Variants in TSC2 observed in about 807,000 individuals in gnomAD.
TSC2 encodes the protein TSC complex subunit 2.
TSC2 carries 29 observed loss-of-function variants against 202.2 expected under a neutral mutation model. The ratio of observed to expected loss-of-function variants is 0.14; its 90% CI spans 0.11 to 0.20. The LOEUF is 0.20. TSC2 is among the 10% of genes least tolerant of loss of function. TSC2 has a pLI of 1.00. For synonymous variants in TSC2, 1,349 were observed against 1,044.0 expected, an observed-to-expected ratio of 1.29 and a Z score of -5.63; for missense variants, 2,429 against 2,420.0, an observed-to-expected ratio of 1.00 and a Z score of -0.08.
At chr16:2,055,337 G>T in intron 5 of TSC2, 65 bp from the exon 6 acceptor site, 1 of 1,253,566 alleles carries the variant, frequency 8.0e-7, no homozygotes, top group Non-Finnish European at 1.2e-6. Flanking sequence ...CCTGCGGCGG[G>T]AGGGGGAGGT....
At chr16:2,084,886 C>T (rs2151541816) in intron 34 of TSC2, 65 bp from the exon 35 acceptor site, 1 of 1,607,264 alleles carries the variant, frequency 6.2e-7, no homozygotes, top group African/African-American at 1.3e-5. Context: ...TGTGTTCCTC[C>T]CTGTGGGCTG....
At chr16:2,053,317 C>G (rs2151025271) in intron 3 of TSC2, 25 bp from the exon 4 acceptor site, 3 of 1,556,180 alleles carry the variant, frequency 1.9e-6, no homozygotes, top group Non-Finnish European at 2.6e-6. Flanking sequence ...CACATCCTCA[C>G]CGCTGTCCCC....
At position 2,083,816 on chromosome 16, in the gene TSC2, G is replaced by A. The variant is rs2090436302; in HGVS notation, c.4005G>A (p.Arg1335=). ...ACAGGCGCACGGATGCCTACAGCAGGGTGAGTGTGGCTCAGAGCCTGGACC... is the reference window on the plus strand; with the variant it reads ...ACAGGCGCACGGATGCCTACAGCAGAGTGAGTGTGGCTCAGAGCCTGGACC... The part of the protein sequence containing the change: ...GMDRRTDAYS[R]SSSVSSQEEK... Residue 1335 remains arginine (R), a splice_region_variant and synonymous_variant, in exon 33 of 42, where the codon AGG becomes AGA. Transcript: ENST00000219476. The A allele has an allele frequency of 1.9e-6, 3 of 1,610,724 alleles. No individual in the cohort carries two copies. In the East Asian group the frequency reaches 6.7e-5, roughly 36 times the overall value.
At chr16:2,080,647 C>A in intron 30 of TSC2, 1 of 465,858 alleles carries the variant, frequency 2.1e-6, no homozygotes, top group Non-Finnish European at 3.9e-6. Flanking sequence ...CCACGCCTGG[C>A]CAATTTTTTT....
In TSC2 at chr16:2,084,594, C is replaced by T. The variant is rs1189784704; in HGVS notation, c.4372C>T (p.Pro1458Ser). The T allele has an allele frequency of 6.2e-7, 1 of 1,604,676 alleles. No individual in the cohort carries two copies. The highest frequency in any genetic ancestry group is 8.5e-7 in the Non-Finnish European group (1 of 1,179,708). ...CCCCCGCTCGCCCAGTGGCCTCCGG[C>T]CCCGAGGTTACACCATCTCCGACTC... ...SSPRSPSGLRPRGYTISDSAP... is the reference protein window; with the variant it reads ...SSPRSPSGLRSRGYTISDSAP... The change falls in exon 34 of 42, where the codon CCC becomes TCC. Residue 1458 changes from proline to serine, a missense_variant. Pro to Ser is a moderately conservative substitution (Grantham distance 74). Transcript: ENST00000219476.
At chr16:2,084,840 C>T (rs1356027423) in intron 34 of TSC2, 111 bp from the exon 35 acceptor site, 1 of 1,600,378 alleles carries the variant, frequency 6.2e-7, no homozygotes, top group African/African-American at 1.3e-5. Context: ...GGCTGGAACC[C>T]CTGGGAGGGC....
intron 4 of TSC2, 172 bp from the exon 5 acceptor site, chr16:2,054,123 GC>G: frequency 2.0e-6 from 2 of 1,023,944 alleles, no homozygotes; most frequent in Non-Finnish European, 2.9e-6. Context: ...GGTGCATCCG[GC>G]CCCCTGCCCT....
chr16:2,080,732 C>G (rs2090040990), intron 30 of TSC2: 2 of 279,792 alleles, frequency 7.1e-6, no homozygotes, highest in South Asian at 3.8e-5. Context: ...GATCCGCCCG[C>G]CTTGGCCTCC....
chr16:2,085,385 G>T (rs566035563), intron 36 of TSC2, 63 bp downstream of exon 36: 5 of 1,569,070 alleles, frequency 3.2e-6, no homozygotes, highest in Non-Finnish European at 4.4e-6. Flanking sequence ...CCTGCAGTGG[G>T]TAGGGAGTCT....
In TSC2 at chr16:2,082,245, G is replaced by T. The variant is rs574061456; in HGVS notation, c.3815-191G>T. On this transcript the variant is annotated intron_variant, in intron 31 of 41. Transcript: ENST00000219476. ...TTAGCGGCCTAGGACGTCTATTCAC[G>T]GGAGGAGGGAGGCACTGCCCTCCTC... The T allele has an allele frequency of 1.1e-5, 7 of 653,768 alleles. No individual in the cohort carries two copies. In the South Asian group the frequency reaches 1.2e-4, roughly 12 times the overall value. The allele number at this position is 653,768 out of a possible 1,614,324, so 40.5% of individuals were successfully genotyped here.
rs543754378 is a variant in TSC2, at chr16:2,053,758, T to C, written c.336+306T>C. On this transcript the variant is annotated intron_variant, in intron 4 of 41. Transcript: ENST00000219476. Reference sequence around the variant, plus strand: ...TCGTACCTGGCAGCTGGTGTGGGGCTACGGTGTTGTTTTGCCCTTGCACCC... The same window carrying C: ...TCGTACCTGGCAGCTGGTGTGGGGCCACGGTGTTGTTTTGCCCTTGCACCC... 3.0e-5 allele frequency: 17 copies of C among 569,428 alleles called. No homozygotes were observed. In the African/African-American group the frequency reaches 3.1e-4, roughly 10 times the overall value. The allele number at this position is 569,428 out of a possible 1,614,324, so 35.3% of individuals were successfully genotyped here.
At chr16:2,055,316 G>T in intron 5 of TSC2, 86 bp from the exon 6 acceptor site, 2 of 1,044,628 alleles carry the variant, frequency 1.9e-6, no homozygotes, top group Non-Finnish European at 3.0e-6. Context: ...TGACGGGTTT[G>T]GACACACTGT....
chr16:2,066,695 G>A lies in TSC2; in HGVS notation c.1716+1060G>A, dbSNP rs138537173. Among the ~76,000 whole-genome samples the A allele has an allele frequency of 2.2e-3, 267 of 121,420 alleles. 2 individuals carry two copies. The highest frequency in any genetic ancestry group is 8.1e-3 in the African/African-American group (257 of 31,750). The allele number at this position is 121,420 out of a possible 152,430, so 79.7% of individuals were successfully genotyped here. A position where few individuals can be genotyped will look rare whatever the true frequency, so the allele number is the denominator to read the frequency against. On this transcript the variant is annotated intron_variant, in intron 16 of 41. Transcript: ENST00000219476. ...TTTTTTGATACAGTCTCACTCTGTCGCCCAGGCTGGAGTGGAGTGCAGTGG... is the reference window on the plus strand; with the variant it reads ...TTTTTTGATACAGTCTCACTCTGTCACCCAGGCTGGAGTGGAGTGCAGTGG...
Position 2,088,436 on chromosome 16 carries a change from C to CTGG in TSC2, c.5260-8_5260-7insGTG. ...CCCAGACTTACTGCCCAAGCCGCCT[C>CTGG]TGCCTTCAGATCTGCGAGGAAGCCG... On this transcript the variant is annotated splice_polypyrimidine_tract_variant and intron_variant, in intron 41 of 41. Transcript: ENST00000219476. 1.2e-6 allele frequency: 2 copies of CTGG among 1,612,798 alleles called. No individual in the cohort carries two copies. Among genetic ancestry groups the CTGG allele is most frequent in the Non-Finnish European group, 1.7e-6 (2 of 1,180,014 alleles).
intron 9 of TSC2, among the ~76,000 whole-genome samples, chr16:2,057,483 G>C (rs954726352): frequency 1.3e-5 from 2 of 152,096 alleles, no homozygotes; most frequent in Admixed American, 6.5e-5. Context: ...TTGGCTTGAC[G>C]TTGCCCTTGC....
intron 3 of TSC2, 115 bp downstream of exon 3, chr16:2,050,601 T>C: frequency 4.0e-6 from 2 of 501,462 alleles, no homozygotes; most frequent in Non-Finnish European, 6.5e-6. Flanking sequence ...GTTTGCACTT[T>C]TTTTTTTTTT....
In TSC2 at chr16:2,088,878, C is replaced by A; in HGVS notation, c.*268C>A. 2.1e-6 allele frequency: 1 copy of A among 482,774 alleles called. No homozygotes were observed. The highest frequency in any genetic ancestry group is 3.7e-6 in the Non-Finnish European group (1 of 272,636). The allele number at this position is 482,774 out of a possible 1,614,324, so 29.9% of individuals were successfully genotyped here. Reference sequence around the variant, plus strand: ...CATACAGCACACTCGCGCGTGCGCGCGCGCACACACACACACACACAGTCA... The same window carrying A: ...CATACAGCACACTCGCGCGTGCGCGAGCGCACACACACACACACACAGTCA... On this transcript the variant is annotated 3_prime_UTR_variant, in exon 42 of 42. Transcript: ENST00000219476.
At position 2,048,834 on chromosome 16, in the gene TSC2, G is replaced by T. The variant is rs1445542724; in HGVS notation, c.138+81G>T. The T allele has an allele frequency of 2.5e-6, 4 of 1,596,696 alleles. No homozygotes were observed. The African/African-American group carries it at 5.4e-5, about 21-fold the overall frequency. On this transcript the variant is annotated intron_variant, in intron 2 of 41. Coordinates refer to ENST00000219476, the MANE Select transcript of TSC2 (RefSeq NM_000548.5). ...GTTTGGTCTTGCACCAGGTTCTGTG[G>T]GAGACGGGTTGCTGGCAACTGTCTA...
rs754592874 is a variant in TSC2 at position 2,076,596 on chromosome 16, C to T, written c.2837+11C>T. 2.2e-5 allele frequency: 36 copies of T among 1,612,252 alleles called. No individual in the cohort carries two copies. The highest frequency in any genetic ancestry group is 3.3e-4 in the Middle Eastern group (2 of 6,082). On this transcript the variant is annotated intron_variant, in intron 25 of 41. Transcript: ENST00000219476. ...CGAGAGACCCAAGAGGTACGGCCTG[C>T]GGGGGTGTGCCTGGAGTCGGTGTGG... is the stretch of plus-strand genomic sequence containing the variant.
Sources: gnomAD v4.1 joint callset for allele counts (sites outside exome capture counted in the v4.1 genomes callset) on GRCh38, gnomAD v4.1.1 for gene constraint, MANE v1.5 for transcripts, NCBI Gene and HGNC (gene_info 2026-07-23, HGNC 2026-07-21) for gene names.